PRR14L: variants seen among roughly 807,000 people sequenced by gnomAD.
PRR14L encodes the protein proline rich 14 like.
PRR14L carries 80 observed loss-of-function variants against 155.0 expected under a neutral mutation model. That is an observed-to-expected ratio of 0.52 (90% CI 0.43 to 0.62). The LOEUF (loss-of-function observed/expected upper bound fraction) is 0.62, where lower values mean the gene tolerates loss of function less well. Among genes scored for constraint, PRR14L ranks in the 20% least tolerant of loss-of-function variants. PRR14L has a pLI of 0.00. For missense variants in PRR14L, 2,469 were observed against 2,548.0 expected (o/e 0.97, Z 0.67); for synonymous variants, 883 against 916.0 (o/e 0.96, Z 0.65).
chr22:31,703,510 A>G, intron 6 of PRR14L, 40 bp downstream of exon 6: 1 of 1,584,044 alleles, frequency 6.3e-7, no homozygotes, highest in Non-Finnish European at 8.6e-7. Context: ...GCCACCTCCA[A>G]TGCCACCATC....
At chr22:31,725,653 T>C in intron 2 of PRR14L, 43 bp from the exon 3 acceptor site, 1 of 1,102,106 alleles carries the variant, frequency 9.1e-7, no homozygotes, top group Admixed American at 2.2e-5. Context: ...TTCAGAAGAT[T>C]CTGAGTTAAT....
intron 2 of PRR14L, among the ~76,000 whole-genome samples, chr22:31,731,990 T>C (rs958302217): frequency 6.6e-6 from 1 of 152,164 alleles, no homozygotes; most frequent in Non-Finnish European, 1.5e-5. Flanking sequence ...AGTATGAAGT[T>C]AGAACTATAC....
At chr22:31,701,309 A>G (rs567140809) in intron 7 of PRR14L, among the ~76,000 whole-genome samples, 1 of 152,232 alleles carries the variant, frequency 6.6e-6, no homozygotes, top group East Asian at 1.9e-4. Flanking sequence ...TTTAAGAAAA[A>G]CTAAACTTAG....
chr22:31,712,517 C>T lies in PRR14L; in HGVS notation c.5322G>A (p.Gly1774=). Residue 1774 remains glycine, a synonymous_variant, in exon 4 of 9, where the codon GGG becomes GGA. Transcript: ENST00000327423. ...CAGTGTCTTCCCTGAATGTTGCCATCCCAGGGCAACCGTGGGACAAGAAGA... is the reference window on the plus strand; with the variant it reads ...CAGTGTCTTCCCTGAATGTTGCCATTCCAGGGCAACCGTGGGACAAGAAGA... ...FSFFLSHGCP[G]MATFREDTGV... 2 of 1,551,810 alleles carry T rather than the reference C, an allele frequency of 1.3e-6. No individual in the cohort carries two copies. The highest frequency in any genetic ancestry group is 1.7e-6 in the Non-Finnish European group (2 of 1,147,016).
At chr22:31,728,714 CAAAAAAA>C (rs773127360) in intron 2 of PRR14L, among the ~76,000 whole-genome samples, 2 of 78,890 alleles carry the variant, frequency 2.5e-5, no homozygotes, top group Admixed American at 1.5e-4. Context: ...GACTCCATCT[CAAAAAAA>C]AAAAAAAAAA....
chr22:31,686,079 T>C (rs961922357), intron 8 of PRR14L, among the ~76,000 whole-genome samples: 5 of 151,494 alleles, frequency 3.3e-5, no homozygotes, highest in African/African-American at 1.2e-4. Context: ...GGACTACAGG[T>C]ATGTGTCACT....
rs1434039693 is a variant in PRR14L, at chr22:31,715,239, A to C, written c.2600T>G (p.Leu867Arg). The stretch of plus-strand genomic sequence containing the variant: ...TTTGTTTCTGATCTTATCTCCTGGA[A>C]GGCTGCCATTCGTTTCTTTCCCATC... ...ELDGKETNGS[L>R]PGDKIRNKMV... The change falls in exon 4 of 9, where the codon CTT becomes CGT. Residue 867 changes from leucine to arginine, a missense_variant. Transcript: ENST00000327423. 6.4e-7 allele frequency: 1 copy of C among 1,552,332 alleles called. No homozygotes were observed. The highest frequency in any genetic ancestry group is 2.0e-5 in the Admixed American group (1 of 50,986).
At chr22:31,718,204 A>G (rs2074670578) in intron 3 of PRR14L, among the ~76,000 whole-genome samples, 1 of 151,666 alleles carries the variant, frequency 6.6e-6, no homozygotes, top group Non-Finnish European at 1.5e-5. Context: ...CTGAGACTAC[A>G]GGCATAAGCC....
At chr22:31,700,148 T>C (rs1024590024) in intron 7 of PRR14L, among the ~76,000 whole-genome samples, 4 of 152,178 alleles carry the variant, frequency 2.6e-5, no homozygotes, top group Non-Finnish European at 5.9e-5. Flanking sequence ...TCCTTAAATA[T>C]AATGCTAGAT....
Position 31,685,721 on chromosome 22 carries a change from GA to G in PRR14L, c.6261del (p.Leu2088Ter). 6.4e-7 allele frequency: 1 copy of G among 1,551,606 alleles called. No homozygotes were observed. Among genetic ancestry groups the G allele is most frequent in the Non-Finnish European group, 8.7e-7 (1 of 1,146,976 alleles). ...GGGACTGTAAAATCCTGAAATTCTA[GA>G]ACTCGCTTCCTCTTCTGTTGGCTGA... is the stretch of plus-strand genomic sequence containing the variant. ...ISISQQKRKR[V>X]LEFQDFTVPR... On this transcript the variant is annotated frameshift_variant, in exon 9 of 9. Transcript: ENST00000327423. LOFTEE classifies it high-confidence loss of function.
chr22:31,700,641 C>A (rs529000142), intron 7 of PRR14L, among the ~76,000 whole-genome samples: 2 of 152,214 alleles, frequency 1.3e-5, no homozygotes, highest in Admixed American at 1.3e-4. Flanking sequence ...ACCGCAACCT[C>A]CGCCTCCTGG....
At position 31,714,464 on chromosome 22, in the gene PRR14L, A is replaced by G; in HGVS notation, c.3375T>C (p.Phe1125=). ...CTTCACATGATTTTTTTATTTTGAGAAAGTCCACTGTAGAAGCAGCAGTAA... is the reference window on the plus strand; with the variant it reads ...CTTCACATGATTTTTTTATTTTGAGGAAGTCCACTGTAGAAGCAGCAGTAA... ...FPVTAASTVD[F]LKIKKSCEEN... Residue 1125 remains phenylalanine, a synonymous_variant, in exon 4 of 9, where the codon TTT becomes TTC. Coordinates refer to ENST00000327423, the MANE Select transcript of PRR14L (RefSeq NM_173566.3). 2 of 1,551,804 alleles carry G rather than the reference A, an allele frequency of 1.3e-6. No individual in the cohort carries two copies. Among genetic ancestry groups the G allele is most frequent in the Non-Finnish European group, 1.7e-6 (2 of 1,147,004 alleles).
intron 2 of PRR14L, among the ~76,000 whole-genome samples, chr22:31,727,044 A>G (rs2074719960): frequency 6.6e-6 from 1 of 152,166 alleles, no homozygotes; most frequent in Non-Finnish European, 1.5e-5. Context: ...AGGCTCCTTC[A>G]GATCCCAAAG....
chr22:31,692,824 G>A (rs1296747952), intron 7 of PRR14L, among the ~76,000 whole-genome samples: 3 of 151,802 alleles, frequency 2.0e-5, no homozygotes, highest in African/African-American at 7.3e-5. Context: ...TTTTATTTTT[G>A]TAGAGACAGG....
chr22:31,703,760 CCTTT>C, intron 5 of PRR14L, 39 bp from the exon 6 acceptor site: 1 of 1,313,082 alleles, frequency 7.6e-7, no homozygotes, highest in Non-Finnish European at 1.0e-6. Flanking sequence ...AGAGGGGTTC[CCTTT>C]CTACTTCCAG....
chr22:31,697,752 G>A (rs186970561), intron 7 of PRR14L, among the ~76,000 whole-genome samples: 98 of 152,194 alleles, frequency 6.4e-4, no homozygotes, highest in Admixed American at 1.9e-3. Flanking sequence ...TGTAGTCCCA[G>A]CTACTCATGA....
chr22:31,703,797 A>C (rs1378811486), intron 5 of PRR14L, 76 bp from the exon 6 acceptor site: 7 of 659,542 alleles, frequency 1.1e-5, no homozygotes, highest in African/African-American at 8.1e-5. Flanking sequence ...CTTCTTCTTC[A>C]TTTTTTTTTT....
chr22:31,713,113 A>G lies in PRR14L; in HGVS notation c.4726T>C (p.Leu1576=), dbSNP rs2074632994. ...SLCTLSAPTR[L]EPETAPTKSL... is the part of the protein sequence containing the mutation. ...TTGGTAGGTGCTGTTTCAGGTTCTAATCGTGTAGGTGCAGACAGAGTACAC... is the reference window on the plus strand; with the variant it reads ...TTGGTAGGTGCTGTTTCAGGTTCTAGTCGTGTAGGTGCAGACAGAGTACAC... Residue 1576 remains leucine (L), a synonymous_variant, in exon 4 of 9, where the codon TTA becomes CTA. Transcript: ENST00000327423. 6.4e-7 allele frequency: 1 copy of G among 1,552,172 alleles called. No homozygotes were observed. The highest frequency in any genetic ancestry group is 2.4e-5 in the East Asian group (1 of 40,928).
chr22:31,686,402 A>G (rs1482275161), intron 8 of PRR14L, among the ~76,000 whole-genome samples: 1 of 150,558 alleles, frequency 6.6e-6, no homozygotes, highest in Non-Finnish European at 1.5e-5. Flanking sequence ...CACTGCACCC[A>G]GCCCTGACTC....
Sources: gnomAD v4.1 joint callset for allele counts (sites outside exome capture counted in the v4.1 genomes callset) on GRCh38, gnomAD v4.1.1 for gene constraint, MANE v1.5 for transcripts, NCBI Gene and HGNC (gene_info 2026-07-23, HGNC 2026-07-21) for gene names.